Variants in HIPK3 observed in about 807,000 individuals in gnomAD.
HIPK3 encodes homeodomain-interacting protein kinase 3.
HIPK3 carries 47 observed loss-of-function variants against 124.2 expected under a neutral mutation model. The ratio of observed to expected loss-of-function variants is 0.38; its 90% CI spans 0.30 to 0.48. HIPK3 has a LOEUF of 0.48. HIPK3 is among the 20% of genes least tolerant of loss of function. HIPK3 has a pLI of 0.98. For missense variants in HIPK3, 1,286 were observed against 1,454.3 expected, an observed-to-expected ratio of 0.88 and a Z score of 1.88; for synonymous variants, 482 against 515.2, an observed-to-expected ratio of 0.94 and a Z score of 0.87.
At chr11:33,317,036 A>G (rs1276658445) in intron 2 of HIPK3, among the ~76,000 whole-genome samples, 1 of 150,478 alleles carries the variant, frequency 6.6e-6, no homozygotes, top group South Asian at 2.1e-4. Context: ...GGCTGGTGCC[A>G]TCTTGCTTGC....
At position 33,263,110 on chromosome 11, in the gene HIPK3, T is replaced by A. The variant is rs1436689217; in HGVS notation, c.-3+5221T>A. Among the ~76,000 whole-genome samples the A allele has an allele frequency of 3.9e-5, 6 of 152,322 alleles. No individual in the cohort carries two copies. The East Asian group carries it at 1.2e-3, about 29-fold the overall frequency. On this transcript the variant is annotated intron_variant, in intron 1 of 16. Coordinates refer to ENST00000303296, the MANE Select transcript of HIPK3 (RefSeq NM_005734.5). ...GTCTTGAACTCCTGGGCCCAAGCGA[T>A]CCTTCTGCCTTGGCCTCCCAAAGTG...
At chr11:33,347,232 T>C (rs1254202704) in intron 8 of HIPK3, 61 bp from the exon 9 acceptor site, 1 of 1,456,364 alleles carries the variant, frequency 6.9e-7, no homozygotes, top group East Asian at 2.4e-5. Context: ...TTTAAAATAA[T>C]TGTATAAGTT....
intron 2 of HIPK3, among the ~76,000 whole-genome samples, chr11:33,324,813 C>A (rs1002153532): frequency 3.3e-5 from 5 of 152,194 alleles, no homozygotes; most frequent in African/African-American, 1.2e-4. Flanking sequence ...CCTAACTACT[C>A]CTTTGCCTCT....
intron 2 of HIPK3, among the ~76,000 whole-genome samples, chr11:33,297,249 A>G (rs1373068302): frequency 1.3e-5 from 2 of 152,102 alleles, no homozygotes; most frequent in African/African-American, 4.8e-5. Flanking sequence ...GCACACCACC[A>G]CGCCTGGCTA....
intron 14 of HIPK3, 76 bp downstream of exon 14, chr11:33,349,363 A>G (rs1832228017): frequency 1.6e-6 from 2 of 1,239,088 alleles, no homozygotes; most frequent in Non-Finnish European, 1.1e-6. Context: ...CTGTTGTTTA[A>G]TAAGTACCTG....
At chr11:33,320,589 T>G (rs1852635197) in intron 2 of HIPK3, among the ~76,000 whole-genome samples, 1 of 152,134 alleles carries the variant, frequency 6.6e-6, no homozygotes, top group African/African-American at 2.4e-5. Context: ...GTGATGGTGG[T>G]TTGGATCAGG....
intron 2 of HIPK3, among the ~76,000 whole-genome samples, chr11:33,307,654 C>T (rs1205865236): frequency 6.6e-6 from 1 of 151,792 alleles, no homozygotes. Flanking sequence ...GATCCGCCCG[C>T]CTCGGCCTCC....
At chr11:33,314,899 G>T (rs1490085309) in intron 2 of HIPK3, among the ~76,000 whole-genome samples, 1 of 151,946 alleles carries the variant, frequency 6.6e-6, no homozygotes, top group Non-Finnish European at 1.5e-5. Context: ...AGACATAATT[G>T]GATTGTTCCA....
chr11:33,327,255 C>T (rs1357433168), intron 2 of HIPK3, among the ~76,000 whole-genome samples: 2 of 151,892 alleles, frequency 1.3e-5, no homozygotes, highest in Non-Finnish European at 2.9e-5. Context: ...AATTGCATGC[C>T]TAATAAGATA....
At chr11:33,259,159 C>A (rs1316255040) in intron 1 of HIPK3, among the ~76,000 whole-genome samples, 1 of 152,126 alleles carries the variant, frequency 6.6e-6, no homozygotes, top group Non-Finnish European at 1.5e-5. Context: ...TCATTCAAAC[C>A]ATCTCAGTTA....
At chr11:33,322,800 T>G (rs899796761) in intron 2 of HIPK3, among the ~76,000 whole-genome samples, 1 of 152,198 alleles carries the variant, frequency 6.6e-6, no homozygotes, top group Non-Finnish European at 1.5e-5. Flanking sequence ...CACTCCAGCC[T>G]GGGTGACAGA....
chr11:33,274,171 C>T (rs1391412553), intron 1 of HIPK3, among the ~76,000 whole-genome samples: 2 of 152,138 alleles, frequency 1.3e-5, no homozygotes, highest in African/African-American at 4.8e-5. Flanking sequence ...CTTTTTATTG[C>T]TGTCAGCAGT....
chr11:33,308,210 A>C (rs1852221391), intron 2 of HIPK3, among the ~76,000 whole-genome samples: 1 of 152,170 alleles, frequency 6.6e-6, no homozygotes, highest in Non-Finnish European at 1.5e-5. Context: ...ATATTCATGA[A>C]TCAGATGACC....
At position 33,257,885 on chromosome 11, in the gene HIPK3, G is replaced by A. The variant is rs940792043; in HGVS notation, c.-7G>A. Reference sequence around the variant, plus strand: ...GAAGAGGAGAGAGCGCGGGCCTCTAGGAAGGTAAGGGAGTCGAGCGAGGGG... The same window carrying A: ...GAAGAGGAGAGAGCGCGGGCCTCTAAGAAGGTAAGGGAGTCGAGCGAGGGG... On this transcript the variant is annotated 5_prime_UTR_variant, in exon 1 of 17. It removes the in-frame stop codon of an upstream open reading frame in the 5' UTR. Coordinates refer to ENST00000303296, the MANE Select transcript of HIPK3 (RefSeq NM_005734.5). 13 of 985,404 alleles carry A rather than the reference G, an allele frequency of 1.3e-5. No individual in the cohort carries two copies. The highest frequency in any genetic ancestry group is 5.2e-4 in the Middle Eastern group (1 of 1,938). 61.0% of individuals were successfully genotyped at this position (985,404 alleles called of 1,614,324 possible).
Position 33,341,633 on chromosome 11 carries a change from G to C in HIPK3, c.1844G>C (p.Gly615Ala), listed in dbSNP as rs1251357608. 3.7e-6 allele frequency: 6 copies of C among 1,613,652 alleles called. No individual in the cohort carries two copies. Among genetic ancestry groups the C allele is most frequent in the Non-Finnish European group, 4.2e-6 (5 of 1,179,798 alleles). Residue 615 changes from glycine to alanine, a missense_variant, in exon 8 of 17, where the codon GGT (glycine) becomes GCT (alanine). Around this residue, in one of 3 missense-constraint regions of HIPK3, gnomAD observed 810 missense variants for 864.9 expected, o/e 0.94. Coordinates refer to ENST00000303296, the MANE Select transcript of HIPK3 (RefSeq NM_005734.5). ...IPLQAGTAQFGCGDAFQQTLI... is the reference protein window; with the variant it reads ...IPLQAGTAQFACGDAFQQTLI... The stretch of plus-strand genomic sequence containing the variant: ...CTGCAGGCAGGAACTGCTCAGTTTG[G>C]TTGTGGTGATGCTTTTCAGCAGACA...
chr11:33,272,520 G>T lies in HIPK3; in HGVS notation c.-2-13893G>T, dbSNP rs185697451. Among the ~76,000 whole-genome samples, 4 of 152,108 alleles carry T rather than the reference G, an allele frequency of 2.6e-5. No individual in the cohort carries two copies. In the East Asian group the frequency reaches 7.7e-4, roughly 29 times the overall value. ...ACATTGCTGTTCTTTAGTTTTTCTG[G>T]CTTTCCTAAGGAGACCTGTTGCAAG... On this transcript the variant is annotated intron_variant, in intron 1 of 16. Transcript: ENST00000303296.
rs1853685021 is a variant in HIPK3 at position 33,352,246 on chromosome 11, A to G, written c.3152A>G (p.Gln1051Arg). 6.2e-7 allele frequency: 1 copy of G among 1,613,958 alleles called. No homozygotes were observed. Among genetic ancestry groups the G allele is most frequent in the Admixed American group, 1.7e-5 (1 of 59,998 alleles). ...AAATTGACATCAGCATTCCAGCAGC[A>G]GCATTTGAACTTCAGTCAGGTATGT... ...QQKLTSAFQQ[Q>R]HLNFSQVQHF... The change falls in exon 16 of 17, where the codon CAG becomes CGG. Residue 1051 changes from glutamine (Q) to arginine (R), a missense_variant. By Grantham distance (43) the Gln-to-Arg change is conservative. Coordinates refer to ENST00000303296, the MANE Select transcript of HIPK3 (RefSeq NM_005734.5).
At chr11:33,317,524 C>T (rs1259479531) in intron 2 of HIPK3, among the ~76,000 whole-genome samples, 1 of 152,138 alleles carries the variant, frequency 6.6e-6, no homozygotes, top group Non-Finnish European at 1.5e-5. Context: ...AGCTTGGCCT[C>T]CCAAAGAGTT....
chr11:33,278,405 A>G (rs1217341228), intron 1 of HIPK3, among the ~76,000 whole-genome samples: 1 of 152,168 alleles, frequency 6.6e-6, no homozygotes, highest in African/African-American at 2.4e-5. Flanking sequence ...TAGGAGCATA[A>G]ACTCATATCT....
Sources: gnomAD v4.1 joint callset for allele counts (sites outside exome capture counted in the v4.1 genomes callset) on GRCh38, gnomAD v4.1.1 for gene constraint, gnomAD v4.1.1 regional missense constraint, MANE v1.5 for transcripts, NCBI Gene and HGNC (gene_info 2026-07-23, HGNC 2026-07-21) for gene names.